Variants in DLGAP1 observed in about 807,000 individuals in gnomAD.
DLGAP1 encodes the protein DLG associated protein 1.
A neutral mutation model predicts 90.8 loss-of-function variants in DLGAP1; 11 were observed. The observed-to-expected ratio is 0.12, with a 90% CI of 0.08 to 0.20. DLGAP1 has a LOEUF of 0.20. DLGAP1 is among the 10% of genes least tolerant of loss of function. DLGAP1 has a pLI of 1.00. For missense variants in DLGAP1, 1,050 were observed against 1,333.8 expected, an observed-to-expected ratio of 0.79 and a Z score of 3.31; for synonymous variants, 558 against 540.7, an observed-to-expected ratio of 1.03 and a Z score of -0.44.
At chr18:3,959,106 A>G (rs2073140595) in intron 3 of DLGAP1, among the ~76,000 whole-genome samples, 1 of 152,184 alleles carries the variant, frequency 6.6e-6, no homozygotes, top group South Asian at 2.1e-4. Context: ...TTCAATGAAC[A>G]CAGCTCTTCT....
At chr18:4,275,510 C>T (rs536627910) in intron 1 of DLGAP1, 8 of 152,206 alleles carry the variant, frequency 5.3e-5, no homozygotes, top group African/African-American at 1.9e-4. Context: ...TTTCTAACAC[C>T]CTCCATAATT....
chr18:4,418,365 AG>A (rs2082951805), intron 1 of DLGAP1, among the ~76,000 whole-genome samples: 1 of 152,246 alleles, frequency 6.6e-6, no homozygotes. Context: ...CAAAGTAAGC[AG>A]CAAAACCAGA....
At chr18:3,564,528 T>C (rs1402983400) in intron 9 of DLGAP1, among the ~76,000 whole-genome samples, 4 of 152,192 alleles carry the variant, frequency 2.6e-5, no homozygotes, top group Non-Finnish European at 1.5e-5. Flanking sequence ...GCTGGCATAT[T>C]TCAAAGTAGT....
intron 7 of DLGAP1, among the ~76,000 whole-genome samples, chr18:3,627,439 G>T (rs1463714338): frequency 7.1e-6 from 1 of 141,610 alleles, no homozygotes; most frequent in Non-Finnish European, 1.6e-5. Context: ...ATGAGATAGA[G>T]GAATGTTAGG....
intron 1 of DLGAP1, among the ~76,000 whole-genome samples, chr18:4,170,885 T>TA (rs1425963322): frequency 6.6e-6 from 1 of 152,182 alleles, no homozygotes; most frequent in East Asian, 1.9e-4. Flanking sequence ...ATGGGGGTTA[T>TA]ATACAACTGG....
intron 1 of DLGAP1, among the ~76,000 whole-genome samples, chr18:4,411,316 G>A (rs1419828345): frequency 6.6e-6 from 1 of 152,202 alleles, no homozygotes; most frequent in Non-Finnish European, 1.5e-5. Context: ...CCCCTGGGAT[G>A]AGATAATGGT....
At chr18:4,395,292 T>C (rs543751419) in intron 1 of DLGAP1, among the ~76,000 whole-genome samples, 5 of 152,348 alleles carry the variant, frequency 3.3e-5, no homozygotes, top group African/African-American at 1.2e-4. Flanking sequence ...CCTTTTTATA[T>C]CCCTATTACT....
At chr18:3,732,484 G>A (rs530334572) in intron 6 of DLGAP1, among the ~76,000 whole-genome samples, 1 of 152,224 alleles carries the variant, frequency 6.6e-6, no homozygotes, top group East Asian at 1.9e-4. Flanking sequence ...TAGGATAAAT[G>A]CTTGATTTGT....
At chr18:4,341,177 T>C (rs940434489) in intron 1 of DLGAP1, among the ~76,000 whole-genome samples, 5 of 151,738 alleles carry the variant, frequency 3.3e-5, no homozygotes, top group South Asian at 2.1e-4. Flanking sequence ...GCTTTAAGAA[T>C]AGAGGAATAT....
chr18:3,799,761 T>TCAAAA (rs1286695177), intron 5 of DLGAP1, among the ~76,000 whole-genome samples: 4 of 152,030 alleles, frequency 2.6e-5, no homozygotes, highest in Non-Finnish European at 5.9e-5. Context: ...TTTACCTAAT[T>TCAAAA]CAAAACAAAA....
chr18:4,056,225 G>A (rs1157639383), intron 2 of DLGAP1, among the ~76,000 whole-genome samples: 6 of 152,150 alleles, frequency 3.9e-5, no homozygotes, highest in Admixed American at 3.3e-4. Context: ...GAAGGAATGA[G>A]GATCCTCGTA....
chr18:4,369,653 C>T (rs988034784), intron 1 of DLGAP1, among the ~76,000 whole-genome samples: 1 of 151,372 alleles, frequency 6.6e-6, no homozygotes, highest in African/African-American at 2.4e-5. Flanking sequence ...ACAGATGGGC[C>T]CAGGCTCTCG....
At chr18:3,772,390 TTCTTTCTTTCTTTCTTTCTC>T (rs1568109499) in intron 5 of DLGAP1, among the ~76,000 whole-genome samples, 1 of 30,202 alleles carries the variant, frequency 3.3e-5, no homozygotes, top group African/African-American at 8.1e-5. Context: ...CTTTCTTTCT[TTCTTTCTTTCTTTCTTTCTC>T]TTTCTTTCTT....
At chr18:3,981,326 T>C (rs1217108738) in intron 3 of DLGAP1, among the ~76,000 whole-genome samples, 1 of 152,254 alleles carries the variant, frequency 6.6e-6, no homozygotes, top group Non-Finnish European at 1.5e-5. Flanking sequence ...TAAAGATTTG[T>C]GTGCCCACAC....
At chr18:3,756,770 A>G (rs1189497303) in intron 5 of DLGAP1, among the ~76,000 whole-genome samples, 1 of 152,080 alleles carries the variant, frequency 6.6e-6, no homozygotes, top group Non-Finnish European at 1.5e-5. Flanking sequence ...AAGAGAGGAA[A>G]CATTATGACT....
At chr18:4,257,865 T>C (rs929279587) in intron 1 of DLGAP1, among the ~76,000 whole-genome samples, 5 of 151,986 alleles carry the variant, frequency 3.3e-5, no homozygotes, top group Admixed American at 3.3e-4. Flanking sequence ...CCTCAAGTGA[T>C]CCATCTGCCT....
chr18:4,211,614 A>T (rs887370636), intron 1 of DLGAP1, among the ~76,000 whole-genome samples: 2 of 152,196 alleles, frequency 1.3e-5, no homozygotes, highest in Non-Finnish European at 2.9e-5. Context: ...ATATGAGCAC[A>T]GATCCTAATG....
rs185794143 is a variant in DLGAP1, at chr18:4,274,089, G to A, written c.-266-122802C>T. ...TTAGTTTGCTTTTTTTTTTTCCTCC[G>A]TCTTAAGGTGGAAGGTTAGGTTATT... On this transcript the variant is annotated intron_variant, in intron 1 of 12. Coordinates refer to ENST00000315677, the MANE Select transcript of DLGAP1 (RefSeq NM_004746.4). Among the ~76,000 whole-genome samples the A allele has an allele frequency of 4.4e-3, 628 of 144,256 alleles. 23 individuals carry two copies. Among genetic ancestry groups the A allele is most frequent in the Admixed American group, 0.041 (592 of 14,512 alleles). 94.6% of individuals were successfully genotyped at this position (144,256 alleles called of 152,430 possible).
chr18:4,066,903 T>C (rs370903386), intron 2 of DLGAP1, among the ~76,000 whole-genome samples: 4 of 152,148 alleles, frequency 2.6e-5, no homozygotes, highest in African/African-American at 4.8e-5. Context: ...CTATTCACAA[T>C]AGCAAAGACA....
Sources: gnomAD v4.1 joint callset for allele counts (sites outside exome capture counted in the v4.1 genomes callset) on GRCh38, gnomAD v4.1.1 for gene constraint, MANE v1.5 for transcripts, NCBI Gene and HGNC (gene_info 2026-07-23, HGNC 2026-07-21) for gene names.